The following IKBKB-DT variants were observed in gnomAD, a reference collection of about 807,000 sequenced individuals.
IKBKB-DT encodes IKBKB divergent transcript.
chr8:42,262,164 G>A (rs573180046), intron 3 of IKBKB-DT, among the ~76,000 whole-genome samples: 23 of 151,922 alleles, frequency 1.5e-4, no homozygotes, highest in African/African-American at 4.8e-4. Flanking sequence ...GATAGCATTG[G>A]GAGATATATC....
At chr8:42,248,054 C>T (rs1807083656) in intron 3 of IKBKB-DT, among the ~76,000 whole-genome samples, 2 of 150,788 alleles carry the variant, frequency 1.3e-5, no homozygotes, top group African/African-American at 2.4e-5. Flanking sequence ...GATCTCACCG[C>T]TACACTCCAG....
At chr8:42,266,382 T>C (rs1807369919) in exon 2 of IKBKB-DT, 1 of 152,280 alleles carries the variant, frequency 6.6e-6, no homozygotes. Context: ...AGGAGCTCAG[T>C]GCTGCTTTGC....
rs1313072048 is a variant in IKBKB-DT, at chr8:42,264,040, G to C, written n.1386-568C>G. ...TTGGCCAGGCTGGTTTCGAACTCCT[G>C]ACCTCAGGTGATCCACCTGCCTTGG... is the stretch of plus-strand genomic sequence containing the variant. On this transcript the variant is annotated intron_variant and non_coding_transcript_variant, in intron 2 of 3. Coordinates refer to ENST00000518213, the Ensembl canonical transcript of IKBKB-DT. Among the ~76,000 whole-genome samples, 4 of 151,850 alleles carry C rather than the reference G, an allele frequency of 2.6e-5. No homozygotes were observed. In the East Asian group the frequency reaches 7.7e-4, roughly 29 times the overall value.
chr8:42,252,014 G>A (rs1450630110), intron 3 of IKBKB-DT, among the ~76,000 whole-genome samples: 1 of 152,180 alleles, frequency 6.6e-6, no homozygotes, highest in Non-Finnish European at 1.5e-5. Context: ...CAAGCTGGAA[G>A]CTTGCATAAG....
chr8:42,266,454 G>A (rs906752442), intron 1 of IKBKB-DT: 1 of 152,254 alleles, frequency 6.6e-6, no homozygotes, highest in African/African-American at 2.4e-5. Flanking sequence ...GACTGAGTAA[G>A]AAGACAGTTA....
In IKBKB-DT at chr8:42,242,017, C is replaced by G. The variant is rs189976271; in HGVS notation, n.1530-8158G>C. Among the ~76,000 whole-genome samples, 998 of 152,240 alleles carry G rather than the reference C, an allele frequency of 6.6e-3. 7 individuals carry two copies. Among genetic ancestry groups the G allele is most frequent in the Non-Finnish European group, 7.8e-3 (533 of 68,026 alleles). On this transcript the variant is annotated intron_variant and non_coding_transcript_variant, in intron 3 of 3. Coordinates refer to ENST00000518213, the Ensembl canonical transcript of IKBKB-DT. ...TCACCTTGAGGTCAGGAGTTTGAAG[C>G]TGGCCTGGCCAACATGGTGAAACCC...
chr8:42,262,197 G>A (rs1807298001), intron 3 of IKBKB-DT, among the ~76,000 whole-genome samples: 1 of 151,848 alleles, frequency 6.6e-6, no homozygotes, highest in Non-Finnish European at 1.5e-5. Context: ...ACAAGTTAGT[G>A]GGTGCAGCGC....
chr8:42,256,756 G>A (rs1354488816), intron 3 of IKBKB-DT, among the ~76,000 whole-genome samples: 2 of 151,998 alleles, frequency 1.3e-5, no homozygotes, highest in South Asian at 2.1e-4. Flanking sequence ...GTACTTGTCC[G>A]TTTTCTCCAT....
At position 42,241,969 on chromosome 8, in the gene IKBKB-DT, T is replaced by A. The variant is rs146634899; in HGVS notation, n.1530-8110A>T. Among the ~76,000 whole-genome samples the A allele has an allele frequency of 2.0e-5, 3 of 152,128 alleles. No homozygotes were observed. In the East Asian group the frequency reaches 5.8e-4, roughly 29 times the overall value. ...TGGCTCACACCTGTAATCCCAACAG[T>A]TTGGGAGGCCGAAGCGGGCGGATCA... On this transcript the variant is annotated intron_variant and non_coding_transcript_variant, in intron 3 of 3. Transcript: ENST00000518213.
intron 3 of IKBKB-DT, among the ~76,000 whole-genome samples, chr8:42,260,430 C>A (rs1225601864): frequency 6.6e-6 from 1 of 152,072 alleles, no homozygotes; most frequent in Non-Finnish European, 1.5e-5. Flanking sequence ...CTTTGGGAGG[C>A]TGAGGCGGGC....
chr8:42,270,215 A>C (rs2129948940), intron 1 of IKBKB-DT: 1 of 152,336 alleles, frequency 6.6e-6, no homozygotes, highest in South Asian at 2.1e-4. Flanking sequence ...AATGCAGACC[A>C]GGTGCAGTGG....
chr8:42,239,366 G>T (rs1030673085), intron 3 of IKBKB-DT, among the ~76,000 whole-genome samples: 6 of 151,532 alleles, frequency 4.0e-5, no homozygotes, highest in African/African-American at 1.5e-4. Context: ...CACTGCGTCT[G>T]CCATTCCTCA....
At position 42,247,828 on chromosome 8, in the gene IKBKB-DT, C is replaced by T. The variant is rs960865448; in HGVS notation, n.1530-13969G>A. 5.3e-5 allele frequency among the ~76,000 whole-genome samples: 8 copies of T among 152,282 alleles called. No homozygotes were observed. In the East Asian group the frequency reaches 1.5e-3, roughly 29 times the overall value. On this transcript the variant is annotated intron_variant and non_coding_transcript_variant, in intron 3 of 3. Transcript: ENST00000518213. The stretch of plus-strand genomic sequence containing the variant: ...AAAGTGCCTGCGCTGGGTGCAGTGG[C>T]TCACACCTATAATCTCAGCACTTTG...
At chr8:42,261,557 C>T (rs924508288) in intron 3 of IKBKB-DT, among the ~76,000 whole-genome samples, 22 of 152,188 alleles carry the variant, frequency 1.4e-4, no homozygotes, top group Non-Finnish European at 2.8e-4. Context: ...CAATGTTATT[C>T]ATAAAAATAA....
chr8:42,244,772 C>T (rs1807043096), intron 3 of IKBKB-DT, among the ~76,000 whole-genome samples: 1 of 152,236 alleles, frequency 6.6e-6, no homozygotes, highest in Non-Finnish European at 1.5e-5. Flanking sequence ...AATGTCCAAA[C>T]TGACCACACA....
chr8:42,265,020 G>A (rs1448947656), intron 2 of IKBKB-DT, among the ~76,000 whole-genome samples: 2 of 151,478 alleles, frequency 1.3e-5, no homozygotes, highest in African/African-American at 4.9e-5. Flanking sequence ...TTGCCACCAC[G>A]CCCAGCTAAT....
intron 3 of IKBKB-DT, among the ~76,000 whole-genome samples, chr8:42,250,396 G>A (rs949659985): frequency 2.6e-5 from 4 of 152,236 alleles, no homozygotes; most frequent in African/African-American, 7.2e-5. Flanking sequence ...GGTAATTGGG[G>A]GAAGTTGCAT....
exon 2 of IKBKB-DT, chr8:42,265,732 A>G (rs992058530): frequency 2.0e-5 from 3 of 152,266 alleles, no homozygotes; most frequent in Non-Finnish European, 4.4e-5. Flanking sequence ...ACTGGAATAA[A>G]AACGTGTGTG....
chr8:42,259,014 T>TTTTCTTTCTTTC (rs547488913), intron 3 of IKBKB-DT, among the ~76,000 whole-genome samples: 2 of 151,876 alleles, frequency 1.3e-5, no homozygotes, highest in African/African-American at 4.8e-5. Context: ...TCATAGCAGT[T>TTTTCTTTCTTTC]TTTCTTTCTT....
Sources: gnomAD v4.1 joint callset for allele counts (sites outside exome capture counted in the v4.1 genomes callset) on GRCh38, gnomAD v4.1.1 for gene constraint, MANE v1.5 for transcripts, NCBI Gene and HGNC (gene_info 2026-07-23, HGNC 2026-07-21) for gene names.